The following SPAG17 variants were observed in gnomAD, a reference collection of about 807,000 sequenced individuals.
SPAG17 encodes sperm-associated antigen 17.
A neutral mutation model predicts 273.6 loss-of-function variants in SPAG17; 169 were observed. The ratio of observed to expected loss-of-function variants is 0.62; its 90% CI spans 0.55 to 0.70. SPAG17 has a LOEUF of 0.70. SPAG17 is among the 30% of genes least tolerant of loss of function. The pLI, the probability that SPAG17 is intolerant of heterozygous loss-of-function variation, is 0.00. For synonymous variants in SPAG17, 825 were observed against 873.2 expected (o/e 0.94, Z 0.97); for missense variants, 2,557 against 2,627.8 (o/e 0.97, Z 0.59).
chr1:118,042,152 G>A, intron 20 of SPAG17, 110 bp from the exon 21 acceptor site: 2 of 1,303,646 alleles, frequency 1.5e-6, no homozygotes, highest in African/African-American at 1.5e-5. Context: ...GTGTATCTCT[G>A]ACAAATCAAA....
At chr1:118,075,610 A>G (rs1300473680) in intron 15 of SPAG17, among the ~76,000 whole-genome samples, 1 of 152,220 alleles carries the variant, frequency 6.6e-6, no homozygotes, top group African/African-American at 2.4e-5. Flanking sequence ...TTGTGGGAAT[A>G]TACTTTGATG....
intron 15 of SPAG17, 31 bp downstream of exon 15, chr1:118,081,058 TACACACACACAC>T (rs56768861): frequency 3.1e-5 from 38 of 1,213,584 alleles, no homozygotes; most frequent in South Asian, 3.7e-5. Flanking sequence ...AATAGTGTCT[TACACACACACAC>T]ACACACACAC....
intron 48 of SPAG17, 167 bp downstream of exon 48, chr1:117,963,632 G>T: frequency 2.0e-6 from 1 of 505,036 alleles, no homozygotes; most frequent in Non-Finnish European, 3.4e-6. Context: ...CCAAAGTGCT[G>T]GGATTACAGG....
intron 43 of SPAG17, among the ~76,000 whole-genome samples, chr1:117,974,831 A>T (rs764328925): frequency 7.2e-5 from 11 of 152,196 alleles, no homozygotes; most frequent in Non-Finnish European, 1.6e-4. Flanking sequence ...GAAGGGGACT[A>T]ATATTTGAGT....
intron 1 of SPAG17, among the ~76,000 whole-genome samples, chr1:118,169,131 T>C (rs957493066): frequency 6.6e-6 from 1 of 152,222 alleles, no homozygotes; most frequent in African/African-American, 2.4e-5. Context: ...ATATTTTACT[T>C]ATATTTAATA....
chr1:118,175,959 G>A (rs6704095), intron 1 of SPAG17, among the ~76,000 whole-genome samples: 2,949 of 152,206 alleles, frequency 0.019, 99 homozygotes, highest in African/African-American at 0.068. Flanking sequence ...TGCAAATTGA[G>A]ACAACATAAA....
chr1:118,033,646 C>G (rs1409933681), intron 24 of SPAG17, among the ~76,000 whole-genome samples: 1 of 152,226 alleles, frequency 6.6e-6, no homozygotes, highest in African/African-American at 2.4e-5. Flanking sequence ...TTAAAGTCCT[C>G]TGCCACTCAC....
intron 7 of SPAG17, among the ~76,000 whole-genome samples, 159 bp downstream of exon 7, chr1:118,097,511 T>C (rs1655787048): frequency 6.6e-6 from 1 of 152,222 alleles, no homozygotes; most frequent in Admixed American, 6.5e-5. Context: ...ATAACTATCA[T>C]TGAGCATTCC....
At chr1:118,030,391 T>C (rs1179292448) in intron 25 of SPAG17, among the ~76,000 whole-genome samples, 1 of 152,120 alleles carries the variant, frequency 6.6e-6, no homozygotes, top group Non-Finnish European at 1.5e-5. Context: ...TTGTTGCCGG[T>C]CTTTTAGAAC....
At chr1:118,062,096 G>A (rs150222995) in intron 18 of SPAG17, among the ~76,000 whole-genome samples, 53 of 151,760 alleles carry the variant, frequency 3.5e-4, no homozygotes, top group African/African-American at 1.2e-3. Flanking sequence ...GGCCGGGTGC[G>A]GTGGCTCATG....
At chr1:118,039,824 GA>G (rs1378182339) in intron 22 of SPAG17, among the ~76,000 whole-genome samples, 3 of 152,122 alleles carry the variant, frequency 2.0e-5, no homozygotes, top group Non-Finnish European at 4.4e-5. Flanking sequence ...CCAGGGAGAG[GA>G]AATGCTTAGA....
In SPAG17 at chr1:118,085,977, C is replaced by T. The variant is rs1488653224; in HGVS notation, c.1707G>A (p.Trp569Ter). The change falls in exon 13 of 49, where the codon TGG (tryptophan) becomes TGA (stop). Residue 569 changes from tryptophan (W) to a stop codon, truncating the protein, a stop_gained. Coordinates refer to ENST00000336338, the MANE Select transcript of SPAG17 (RefSeq NM_206996.4). LOFTEE classifies it high-confidence loss of function. Reference protein sequence around the residue: ...EFLQFPLPPPWNNTKRLATIH... With the variant: ...EFLQFPLPPP ...TTGTAGCTAGACGTTTAGTGTTGTT[C>T]CATGGTGGGGGTAGAGGGAATTGAA... 1 of 1,613,382 alleles carries T rather than the reference C, an allele frequency of 6.2e-7. No homozygotes were observed. Among genetic ancestry groups the T allele is most frequent in the Non-Finnish European group, 8.5e-7 (1 of 1,179,740 alleles).
chr1:118,142,658 G>T (rs1658744262), intron 3 of SPAG17, among the ~76,000 whole-genome samples: 1 of 152,122 alleles, frequency 6.6e-6, no homozygotes, highest in Non-Finnish European at 1.5e-5. Context: ...ACTATCCCAT[G>T]TAATCACCAC....
chr1:118,101,938 G>A lies in SPAG17; in HGVS notation c.448-12C>T, dbSNP rs1182714728. On this transcript the variant is annotated splice_polypyrimidine_tract_variant and intron_variant, in intron 4 of 48. Transcript: ENST00000336338. ...TTGTCTTCTATTACCTGGAATGAGA[G>A]AACACTTTTTTCTCCAAATCAAACA... The A allele has an allele frequency of 1.2e-5, 20 of 1,602,434 alleles. No individual in the cohort carries two copies. Among genetic ancestry groups the A allele is most frequent in the Non-Finnish European group, 1.5e-5 (18 of 1,175,546 alleles).
chr1:118,021,194 T>G (rs1001568938), intron 28 of SPAG17, among the ~76,000 whole-genome samples: 4 of 152,128 alleles, frequency 2.6e-5, no homozygotes, highest in African/African-American at 4.8e-5. Context: ...GTAATATCAA[T>G]TAAATTAATA....
At chr1:118,116,526 C>T (rs1657088828) in intron 3 of SPAG17, among the ~76,000 whole-genome samples, 1 of 152,166 alleles carries the variant, frequency 6.6e-6, no homozygotes, top group Admixed American at 6.5e-5. Flanking sequence ...TCTCACGGAG[C>T]TGTGTCTTGT....
intron 48 of SPAG17, chr1:117,957,071 G>C (rs967537298): frequency 1.3e-6 from 2 of 1,569,676 alleles, no homozygotes; most frequent in African/African-American, 2.8e-5. Flanking sequence ...TTTTCAGTGA[G>C]CTGGAAGAAT....
chr1:118,056,616 T>A (rs1198620108), intron 18 of SPAG17, among the ~76,000 whole-genome samples: 2 of 152,200 alleles, frequency 1.3e-5, no homozygotes, highest in Admixed American at 6.5e-5. Flanking sequence ...AGTTATAAGA[T>A]TTAAATTTGA....
At chr1:117,954,700 G>A in intron 48 of SPAG17, 1 of 1,467,256 alleles carries the variant, frequency 6.8e-7, no homozygotes. Flanking sequence ...GGAAGTAGAG[G>A]CATTATGATT....
Sources: allele counts gnomAD v4.1 joint callset (sites outside exome capture counted in the v4.1 genomes callset), GRCh38; gene constraint gnomAD v4.1.1; transcripts MANE v1.5; gene names NCBI Gene and HGNC (gene_info 2026-07-23, HGNC 2026-07-21).